Variants in ADAMTS12 observed in about 807,000 individuals in gnomAD.
The protein encoded by ADAMTS12 is A disintegrin and metalloproteinase with thrombospondin motifs 12.
Under a neutral mutation model 167.8 loss-of-function variants are expected in ADAMTS12, and 118 were observed. The observed-to-expected ratio is 0.70, with a 90% confidence interval of 0.61 to 0.82. The LOEUF (loss-of-function observed/expected upper bound fraction) is 0.82. Ranked by LOEUF, ADAMTS12 falls within the 40% of genes least tolerant of loss-of-function variation. ADAMTS12 has a pLI of 0.00. For synonymous variants in ADAMTS12, 704 were observed against 716.9 expected (o/e 0.98, Z 0.29); for missense variants, 1,916 against 1,998.8 (o/e 0.96, Z 0.79).
chr5:33,730,160 A>G (rs1744134893), intron 3 of ADAMTS12, among the ~76,000 whole-genome samples: 1 of 152,210 alleles, frequency 6.6e-6, no homozygotes, highest in Non-Finnish European at 1.5e-5. Flanking sequence ...TGAAATCTGA[A>G]TCTTTCTGTG....
intron 2 of ADAMTS12, among the ~76,000 whole-genome samples, chr5:33,770,708 T>C (rs1434539139): frequency 6.6e-6 from 1 of 151,972 alleles, no homozygotes; most frequent in Non-Finnish European, 1.5e-5. Flanking sequence ...TGTCACCTTC[T>C]AGAAGGTCCT....
intron 15 of ADAMTS12, among the ~76,000 whole-genome samples, chr5:33,615,492 A>G (rs1738957145): frequency 6.6e-6 from 1 of 152,164 alleles, no homozygotes; most frequent in African/African-American, 2.4e-5. Flanking sequence ...GTAACATGTC[A>G]CTTTATCCCC....
chr5:33,636,049 T>C (rs1316048580), intron 12 of ADAMTS12, among the ~76,000 whole-genome samples: 1 of 152,192 alleles, frequency 6.6e-6, no homozygotes, highest in East Asian at 1.9e-4. Context: ...TTAGTACCTA[T>C]TGCTTTGCTA....
At chr5:33,849,615 A>ACATATATGTACTGCATAGCAATACACATG (rs1561307139) in intron 2 of ADAMTS12, among the ~76,000 whole-genome samples, 3 of 87,544 alleles carry the variant, frequency 3.4e-5, no homozygotes, top group Admixed American at 1.3e-4. Context: ...AGCAATATAT[A>ACATATATGTACTGCATAGCAATACACATG]TGTATTGCAT....
At chr5:33,833,926 G>A (rs1390977371) in intron 2 of ADAMTS12, among the ~76,000 whole-genome samples, 1 of 152,196 alleles carries the variant, frequency 6.6e-6, no homozygotes, top group African/African-American at 2.4e-5. Flanking sequence ...TCATAGGAAG[G>A]TACCACAGAG....
chr5:33,891,615 C>A lies in ADAMTS12; in HGVS notation c.127+115G>T, dbSNP rs182788666. 278 of 1,501,416 alleles carry A rather than the reference C, an allele frequency of 1.9e-4. 1 individual carries two copies. In the East Asian group the frequency reaches 5.4e-3, roughly 29 times the overall value. 93.0% of individuals were successfully genotyped at this position (1,501,416 alleles called of 1,614,324 possible). On this transcript the variant is annotated intron_variant, in intron 1 of 23. Coordinates refer to ENST00000504830, the MANE Select transcript of ADAMTS12 (RefSeq NM_030955.4). ...AGCCCAGATTTCCTTACAACGCAGCCAAATGGCTTTTCAGAGTTCAGTTCT... is the reference window on the plus strand; with the variant it reads ...AGCCCAGATTTCCTTACAACGCAGCAAAATGGCTTTTCAGAGTTCAGTTCT...
chr5:33,668,879 T>C (rs1741572095), intron 5 of ADAMTS12, among the ~76,000 whole-genome samples: 1 of 152,208 alleles, frequency 6.6e-6, no homozygotes, highest in Non-Finnish European at 1.5e-5. Flanking sequence ...TTCCCACTGA[T>C]GACACAATCA....
intron 15 of ADAMTS12, among the ~76,000 whole-genome samples, chr5:33,615,336 A>G (rs1449723083): frequency 6.6e-6 from 1 of 152,176 alleles, no homozygotes; most frequent in Non-Finnish European, 1.5e-5. Context: ...TGCTATCGGT[A>G]TATTCATTCC....
chr5:33,595,577 T>C lies in ADAMTS12; in HGVS notation c.2654+357A>G, dbSNP rs150961557. On this transcript the variant is annotated intron_variant, in intron 17 of 23. Coordinates refer to ENST00000504830, the MANE Select transcript of ADAMTS12 (RefSeq NM_030955.4). The stretch of plus-strand genomic sequence containing the variant: ...GCACTGTGATCGGAAGGTGCCAACC[T>C]TTTGTCTGAAGGCTGGTGTTGCACT... Among the ~76,000 whole-genome samples, 1,300 of 152,318 alleles carry C rather than the reference T, an allele frequency of 8.5e-3. 6 individuals are homozygous for C. Among genetic ancestry groups the C allele is most frequent in the Non-Finnish European group, 0.015 (1,019 of 68,024 alleles).
In ADAMTS12 at chr5:33,637,608, T is replaced by G; in HGVS notation, c.1857A>C (p.Glu619Asp). 6.2e-7 allele frequency: 1 copy of G among 1,613,412 alleles called. No homozygotes were observed. The highest frequency in any genetic ancestry group is 1.1e-5 in the South Asian group (1 of 91,030). ...SEFDTVPYKN[E>D]LYHWFPIFNP... ...TAAAAATGGGAAACCAGTGGTAGAG[T>G]TCATTCTTGTAGGGAACAGTGTCAA... Residue 619 changes from glutamate to aspartate, a missense_variant, in exon 12 of 24, where the codon GAA becomes GAC. Glu to Asp is a conservative substitution (Grantham distance 45). Transcript: ENST00000504830.
chr5:33,654,685 T>C (rs1360750169), intron 7 of ADAMTS12, among the ~76,000 whole-genome samples: 1 of 152,206 alleles, frequency 6.6e-6, no homozygotes, highest in East Asian at 1.9e-4. Flanking sequence ...TGCTTTGTTA[T>C]AGCTTCACAC....
At chr5:33,575,263 C>T (rs1005046415) in intron 19 of ADAMTS12, among the ~76,000 whole-genome samples, 4 of 152,114 alleles carry the variant, frequency 2.6e-5, no homozygotes, top group Non-Finnish European at 4.4e-5. Context: ...CTTAGGTTTC[C>T]GTTCCATCTG....
chr5:33,844,021 A>G (rs1336150449), intron 2 of ADAMTS12, among the ~76,000 whole-genome samples: 1 of 152,210 alleles, frequency 6.6e-6, no homozygotes, highest in African/African-American at 2.4e-5. Context: ...GCCTGTCTTT[A>G]CTGCAATCTC....
At chr5:33,723,583 C>T (rs1467507737) in intron 3 of ADAMTS12, among the ~76,000 whole-genome samples, 1 of 152,158 alleles carries the variant, frequency 6.6e-6, no homozygotes, top group Non-Finnish European at 1.5e-5. Context: ...CAGTTACAAC[C>T]TGGGTGGGAT....
At position 33,869,805 on chromosome 5, in the gene ADAMTS12, A is replaced by G. The variant is rs540351721; in HGVS notation, c.489+11314T>C. ...TAAACATCAGGAAACAGGGTTTGAG[A>G]GCAGACAACTGGTCTGACTAAAATT... On this transcript the variant is annotated intron_variant, in intron 2 of 23. Coordinates refer to ENST00000504830, the MANE Select transcript of ADAMTS12 (RefSeq NM_030955.4). Among the ~76,000 whole-genome samples, 43 of 152,318 alleles carry G rather than the reference A, an allele frequency of 2.8e-4. No individual in the cohort carries two copies. The South Asian group carries it at 4.8e-3, about 17-fold the overall frequency.
chr5:33,704,966 T>C (rs887256698), intron 3 of ADAMTS12, among the ~76,000 whole-genome samples: 7 of 152,184 alleles, frequency 4.6e-5, no homozygotes, highest in Admixed American at 3.9e-4. Context: ...TTTTATTGTT[T>C]CAATCTTGAG....
intron 2 of ADAMTS12, among the ~76,000 whole-genome samples, chr5:33,819,903 A>G (rs1200584125): frequency 6.6e-6 from 1 of 152,130 alleles, no homozygotes; most frequent in Admixed American, 6.6e-5. Flanking sequence ...GCCATCTCGG[A>G]AGGGAAAAGG....
chr5:33,549,582 G>C (rs979885526), intron 20 of ADAMTS12, among the ~76,000 whole-genome samples, 199 bp from the exon 21 acceptor site: 1 of 152,222 alleles, frequency 6.6e-6, no homozygotes, highest in East Asian at 1.9e-4. Flanking sequence ...ACATGCATAG[G>C]AGTGTTTCTG....
chr5:33,835,523 T>C (rs1051848457), intron 2 of ADAMTS12, among the ~76,000 whole-genome samples: 1 of 152,202 alleles, frequency 6.6e-6, no homozygotes, highest in Non-Finnish European at 1.5e-5. Context: ...TGCCTATAGA[T>C]TCAGTATCTG....
Sources: gnomAD v4.1 joint callset for allele counts (sites outside exome capture counted in the v4.1 genomes callset) on GRCh38, gnomAD v4.1.1 for gene constraint, MANE v1.5 for transcripts, NCBI Gene and HGNC (gene_info 2026-07-23, HGNC 2026-07-21) for gene names.